FAM20A: variants seen among roughly 807,000 people sequenced by gnomAD.
The protein encoded by FAM20A is pseudokinase FAM20A.
A neutral mutation model predicts 52.0 loss-of-function variants in FAM20A; 42 were observed. The ratio of observed to expected loss-of-function variants is 0.81; its 90% CI spans 0.63 to 1.04. FAM20A has a LOEUF of 1.04. Ranked by LOEUF, FAM20A falls within the 50% of genes least tolerant of loss-of-function variation. The probability of loss-of-function intolerance (pLI) is 0.00; values close to 1 mark genes in which losing one functional copy is unlikely to be tolerated. For synonymous variants in FAM20A, 304 were observed against 298.9 expected, an observed-to-expected ratio of 1.02 and a Z score of -0.18; for missense variants, 742 against 712.7, an observed-to-expected ratio of 1.04 and a Z score of -0.47.
At chr17:68,555,842 A>G (rs2087036663) in intron 1 of FAM20A, 99 bp from the exon 2 acceptor site, 2 of 1,367,500 alleles carry the variant, frequency 1.5e-6, no homozygotes, top group Non-Finnish European at 2.1e-6. Flanking sequence ...CATTTATTCC[A>G]CAAGTGTATT....
chr17:68,597,738 G>T (rs1029770285), intron 1 of FAM20A, among the ~76,000 whole-genome samples: 1 of 152,122 alleles, frequency 6.6e-6, no homozygotes, highest in Non-Finnish European at 1.5e-5. Flanking sequence ...TACAAACAAG[G>T]AGAGCTTGTC....
At chr17:68,575,075 C>T (rs933630000) in intron 1 of FAM20A, 3 of 152,000 alleles carry the variant, frequency 2.0e-5, no homozygotes, top group African/African-American at 7.3e-5. Context: ...AAAGAAATTC[C>T]TGGAGTCACC....
intron 1 of FAM20A, among the ~76,000 whole-genome samples, chr17:68,599,852 C>T (rs951366101): frequency 2.0e-5 from 3 of 152,178 alleles, no homozygotes; most frequent in Non-Finnish European, 4.4e-5. Context: ...TGGAGTCACC[C>T]TGTTTGGGGC....
intron 1 of FAM20A, among the ~76,000 whole-genome samples, chr17:68,574,802 C>T (rs568968779): frequency 3.4e-4 from 51 of 152,232 alleles, no homozygotes; most frequent in Non-Finnish European, 4.0e-4. Flanking sequence ...AAGAGATCTG[C>T]GTCTTAATCT....
At chr17:68,573,405 A>G (rs2087619844) in intron 1 of FAM20A, among the ~76,000 whole-genome samples, 1 of 151,998 alleles carries the variant, frequency 6.6e-6, no homozygotes. Flanking sequence ...ATAAGAAATA[A>G]CACTTCTCCC....
At position 68,537,215 on chromosome 17, in the gene FAM20A, CA is replaced by C; in HGVS notation, c.*261del. On this transcript the variant is annotated 3_prime_UTR_variant, in exon 11 of 11. Coordinates refer to ENST00000592554, the MANE Select transcript of FAM20A (RefSeq NM_017565.4). The surrounding 1 kb of genome is among the most constrained non-coding windows in gnomAD (Gnocchi z 4.2). ...TGACCTATACCCAGATTTCCCAGTG[CA>C]CTCAGGAGATCGTCGGTGGCCTTGA... 1.6e-6 allele frequency: 1 copy of C among 626,768 alleles called. No homozygotes were observed. 38.8% of individuals were successfully genotyped at this position (626,768 alleles called of 1,614,324 possible). A position where few individuals can be genotyped will look rare whatever the true frequency, so the allele number is the denominator to read the frequency against.
intron 10 of FAM20A, among the ~76,000 whole-genome samples, chr17:68,538,686 T>C (rs2086167654): frequency 6.6e-6 from 1 of 152,242 alleles, no homozygotes; most frequent in Admixed American, 6.5e-5. Context: ...TGAGCCGATA[T>C]GAATGCTGGG....
intron 1 of FAM20A, among the ~76,000 whole-genome samples, chr17:68,589,691 T>C (rs754595218): frequency 1.3e-5 from 2 of 152,170 alleles, no homozygotes; most frequent in Non-Finnish European, 1.5e-5. Flanking sequence ...CAGCTTCTTT[T>C]CAAAAGAAAT....
Position 68,536,406 on chromosome 17 carries a change from TAAA to T in FAM20A, c.*1068_*1070del, listed in dbSNP as rs1568713220. ...TGGAATAAGAAACAAAGCCTCCTATTAAAAGGAGTTTCAGATATCAACAAGTCA... is the reference window on the plus strand; with the variant it reads ...TGGAATAAGAAACAAAGCCTCCTATTAGGAGTTTCAGATATCAACAAGTCA... On this transcript the variant is annotated 3_prime_UTR_variant, in exon 11 of 11. Coordinates refer to ENST00000592554, the MANE Select transcript of FAM20A (RefSeq NM_017565.4). 1 of 454,164 alleles carries T rather than the reference TAAA, an allele frequency of 2.2e-6. No homozygotes were observed. The highest frequency in any genetic ancestry group is 6.9e-5 in the East Asian group (1 of 14,402). The allele number at this position is 454,164 out of a possible 1,614,324, so 28.1% of individuals were successfully genotyped here.
intron 3 of FAM20A, among the ~76,000 whole-genome samples, chr17:68,552,253 A>T (rs2086871157): frequency 6.6e-6 from 1 of 152,166 alleles, no homozygotes; most frequent in Non-Finnish European, 1.5e-5. Context: ...AAAAAAAAAA[A>T]GTACATTTTC....
chr17:68,582,507 C>T (rs1294040517), intron 1 of FAM20A: 1 of 152,220 alleles, frequency 6.6e-6, no homozygotes, highest in Non-Finnish European at 1.5e-5. Flanking sequence ...AAACATCAAA[C>T]ATAAATGGAT....
At chr17:68,571,997 T>C (rs1196174934) in intron 1 of FAM20A, among the ~76,000 whole-genome samples, 309 of 26,362 alleles carry the variant, frequency 0.012, 11 homozygotes, top group African/African-American at 0.066. Context: ...CATATATATA[T>C]ATATATATAT....
At position 68,599,908 on chromosome 17, in the gene FAM20A, A is replaced by G; in HGVS notation, c.404+355T>C. ...TCCAGCGGCAGCTTTCCTCCACATC[A>G]GGACAGAGAGTGGGGTTTGGGAGCG... is the stretch of plus-strand genomic sequence containing the variant. On this transcript the variant is annotated intron_variant, in intron 1 of 10. Transcript: ENST00000592554. Among the ~76,000 whole-genome samples, 2 of 152,194 alleles carry G rather than the reference A, an allele frequency of 1.3e-5. 1 individual carries two copies. Among genetic ancestry groups the G allele is most frequent in the South Asian group, 4.1e-4 (2 of 4,830 alleles).
At position 68,582,780 on chromosome 17, in the gene FAM20A, A is replaced by ATTTTT. The variant is rs34025800; in HGVS notation, c.404+17478_404+17482dup. On this transcript the variant is annotated intron_variant, in intron 1 of 10. Transcript: ENST00000592554. ...CGCTTATGTGGAAGAGCCAGGATTA[A>ATTTTT]TTTTTTTTTTTTTTTTTTTTTTTTT... is the stretch of plus-strand genomic sequence containing the variant. Among the ~76,000 whole-genome samples the ATTTTT allele has an allele frequency of 4.0e-4, 32 of 79,810 alleles. 1 individual carries two copies. Among genetic ancestry groups the ATTTTT allele is most frequent in the Non-Finnish European group, 4.6e-4 (21 of 45,616 alleles). 52.4% of individuals were successfully genotyped at this position (79,810 alleles called of 152,430 possible).
chr17:68,545,018 C>A (rs1027610509), intron 4 of FAM20A, among the ~76,000 whole-genome samples: 3 of 152,128 alleles, frequency 2.0e-5, no homozygotes, highest in Admixed American at 1.3e-4. Flanking sequence ...AAATATAAAT[C>A]TTTATGTTCC....
intron 1 of FAM20A, among the ~76,000 whole-genome samples, chr17:68,584,054 C>T (rs752335382): frequency 8.6e-5 from 13 of 151,986 alleles, no homozygotes; most frequent in African/African-American, 2.9e-4. Context: ...TGGTGGCTCA[C>T]GCCTGTATTC....
intron 1 of FAM20A, among the ~76,000 whole-genome samples, chr17:68,574,422 G>A (rs1435151369): frequency 2.0e-5 from 3 of 152,148 alleles, no homozygotes; most frequent in East Asian, 1.9e-4. Flanking sequence ...ACGATAACCC[G>A]TTAATCTGTT....
At chr17:68,556,318 C>T (rs181345154) in intron 1 of FAM20A, among the ~76,000 whole-genome samples, 3 of 151,632 alleles carry the variant, frequency 2.0e-5, no homozygotes, top group Admixed American at 2.0e-4. Context: ...GCCTTTTCTC[C>T]CAGGAAAAAA....
intron 7 of FAM20A, chr17:68,541,441 C>T: frequency 5.1e-6 from 1 of 196,516 alleles, no homozygotes; most frequent in South Asian, 9.7e-5. Context: ...TCTGTCATGT[C>T]CTCCAGAAAT....
Sources: gnomAD v4.1 joint callset for allele counts (sites outside exome capture counted in the v4.1 genomes callset) on GRCh38, gnomAD v4.1.1 for gene constraint, Gnocchi (gnomAD v3.1) non-coding constraint, MANE v1.5 for transcripts, NCBI Gene and HGNC (gene_info 2026-07-23, HGNC 2026-07-21) for gene names.